TOR2A: variants seen among roughly 807,000 people sequenced by gnomAD.
TOR2A encodes torsin family 2 member A.
TOR2A carries 24 observed loss-of-function variants against 28.6 expected under a neutral mutation model. The ratio of observed to expected loss-of-function variants is 0.84; its 90% CI spans 0.61 to 1.18. The LOEUF (loss-of-function observed/expected upper bound fraction) is 1.18, where lower values mean the gene tolerates loss of function less well. TOR2A is among the 50% of genes most tolerant of loss of function. The pLI is 0.00. For missense variants in TOR2A, 426 were observed against 448.1 expected (o/e 0.95, Z 0.45); for synonymous variants, 203 against 203.1 (o/e 1.00, Z 0.00).
chr9:127,734,225 G>GT, intron 2 of TOR2A, 74 bp downstream of exon 2: 1 of 1,493,918 alleles, frequency 6.7e-7, no homozygotes, highest in Non-Finnish European at 8.9e-7. Context: ...TGACTCCCCT[G>GT]TCTGGGCTCA....
In TOR2A at chr9:127,732,005, CAG is replaced by C. The variant is rs776567868; in HGVS notation, c.*27_*28del. 1 of 1,598,606 alleles carries C rather than the reference CAG, an allele frequency of 6.3e-7. No individual in the cohort carries two copies. The highest frequency in any genetic ancestry group is 8.5e-7 in the Non-Finnish European group (1 of 1,171,514). ...GGCCTTTCCTGCATGGCCTGGCCAT[CAG>C]GGGGGCCGAGGACACCACTCAGAGA... On this transcript the variant is annotated 3_prime_UTR_variant, in exon 5 of 5. Coordinates refer to ENST00000373284, the MANE Select transcript of TOR2A (RefSeq NM_001085347.3).
rs924650759 is a variant in TOR2A, at chr9:127,734,183, T to C, written c.417+116A>G. On this transcript the variant is annotated intron_variant, in intron 2 of 4. Transcript: ENST00000373284. ...TCTGTGCAGGATGGGTCCTGAGGGC[T>C]GGGGCTGCAGCCGTGTGTGGCCTGG... The C allele has an allele frequency of 1.1e-5, 15 of 1,365,074 alleles. No individual in the cohort carries two copies. In the African/African-American group the frequency reaches 1.6e-4, roughly 15 times the overall value. 84.6% of individuals were successfully genotyped at this position (1,365,074 alleles called of 1,614,324 possible).
At chr9:127,732,803 A>G in intron 3 of TOR2A, 112 bp from the exon 4 acceptor site, 2 of 1,463,662 alleles carry the variant, frequency 1.4e-6, no homozygotes, top group Middle Eastern at 1.8e-4. Flanking sequence ...CAGTGCGGGG[A>G]GGAGCCAACT....
At chr9:127,733,185 C>T (rs1450877739) in intron 3 of TOR2A, 200 bp downstream of exon 3, 3 of 1,578,798 alleles carry the variant, frequency 1.9e-6, no homozygotes, top group Non-Finnish European at 2.6e-6. Flanking sequence ...AAGACTGAGC[C>T]CAGAATTTGC....
At chr9:127,733,226 G>A (rs372709443) in intron 3 of TOR2A, 159 bp downstream of exon 3, 56 of 1,605,616 alleles carry the variant, frequency 3.5e-5, no homozygotes, top group African/African-American at 1.5e-4. Context: ...TCAACCAGGC[G>A]GAATGACAAT....
rs768286630 is a variant in TOR2A at position 127,732,110 on chromosome 9, A to G, written c.890T>C (p.Phe297Ser). The change falls in exon 5 of 5, where the codon TTC (phenylalanine) becomes TCC (serine). Residue 297 changes from phenylalanine to serine, a missense_variant. Phe to Ser is a radical substitution (Grantham distance 155). Transcript: ENST00000373284. Reference protein sequence around the residue: ...VVQAVLDSTTFFPEDEQLFSS... With the variant: ...VVQAVLDSTTSFPEDEQLFSS... ...GAAGAGCTGCTCGTCTTCAGGGAAG[A>G]AGGTGGTGCTGTCCAGCACAGCCTG... 1.9e-6 allele frequency: 3 copies of G among 1,613,798 alleles called. No homozygotes were observed. The highest frequency in any genetic ancestry group is 2.5e-6 in the Non-Finnish European group (3 of 1,180,012).
intron 3 of TOR2A, 143 bp downstream of exon 3, chr9:127,733,242 C>A (rs1440287675): frequency 6.2e-7 from 1 of 1,611,314 alleles, no homozygotes; most frequent in South Asian, 1.1e-5. Context: ...ACAATGTCAT[C>A]TCTGAGAGTG....
At chr9:127,734,256 C>T in intron 2 of TOR2A, 43 bp downstream of exon 2, 1 of 1,526,712 alleles carries the variant, frequency 6.6e-7, no homozygotes, top group Non-Finnish European at 8.8e-7. Flanking sequence ...CCTAGGGTGG[C>T]ACCCCATGGT....
intron 1 of TOR2A, chr9:127,734,880 G>GT: frequency 1.7e-6 from 1 of 593,002 alleles, no homozygotes; most frequent in Non-Finnish European, 2.6e-6. Flanking sequence ...GCCATTCCGG[G>GT]GAGGCCCAAG....
Position 127,731,586 on chromosome 9 carries a change from C to T in TOR2A, c.*448G>A, listed in dbSNP as rs1056492807. 7 of 1,365,550 alleles carry T rather than the reference C, an allele frequency of 5.1e-6. No homozygotes were observed. The African/African-American group carries it at 1.0e-4, about 20-fold the overall frequency. The allele number at this position is 1,365,550 out of a possible 1,614,324, so 84.6% of individuals were successfully genotyped here. A position where few individuals can be genotyped will look rare whatever the true frequency, so the allele number is the denominator to read the frequency against. The stretch of plus-strand genomic sequence containing the variant: ...TTTACAAAATTAAAAACATCTAAAA[C>T]CAGGCCCAAGTGGCAGCTTGAGTCC... On this transcript the variant is annotated 3_prime_UTR_variant, in exon 5 of 5. Transcript: ENST00000373284.
At chr9:127,733,340 G>C (rs1216086168) in intron 3 of TOR2A, 45 bp downstream of exon 3, 2 of 1,613,544 alleles carry the variant, frequency 1.2e-6, no homozygotes, top group Admixed American at 1.7e-5. Flanking sequence ...CTGAACCTCT[G>C]AGAAGTGGCC....
rs754916763 is a variant in TOR2A at position 127,735,214 on chromosome 9, C to A, written c.57G>T (p.Gly19=). ...AGGCGGCGGCCGCGGCCGAGACCAGCCCGAGCAGCCCGAGGAGCGAGCCCC... is the reference window on the plus strand; with the variant it reads ...AGGCGGCGGCCGCGGCCGAGACCAGACCGAGCAGCCCGAGGAGCGAGCCCC... ...RPWGSLLGLL[G]LVSAAAAAWD... is the part of the protein sequence containing the mutation. The change falls in exon 1 of 5, where the codon GGG becomes GGT. Residue 19 remains glycine, a synonymous_variant. Coordinates refer to ENST00000373284, the MANE Select transcript of TOR2A (RefSeq NM_001085347.3). 6.8e-7 allele frequency: 1 copy of A among 1,476,068 alleles called. No homozygotes were observed. The allele number at this position is 1,476,068 out of a possible 1,614,324, so 91.4% of individuals were successfully genotyped here.
Position 127,733,220 on chromosome 9 carries a change from C to T in TOR2A, c.593+165G>A, listed in dbSNP as rs7862011. ...CTGAGAATGTCCAAAGGGAAATCAA[C>T]CAGGCGGAATGACAATGTCATCTCT... On this transcript the variant is annotated intron_variant, in intron 3 of 4. Coordinates refer to ENST00000373284, the MANE Select transcript of TOR2A (RefSeq NM_001085347.3). 1.5e-3 allele frequency: 2,437 copies of T among 1,601,636 alleles called. 36 individuals are homozygous for T. The African/African-American group carries it at 0.03, about 20-fold the overall frequency.
Position 127,735,190 on chromosome 9 carries a change from G to C in TOR2A, c.81C>G (p.Ala27=). The C allele has an allele frequency of 1.3e-6, 2 of 1,481,914 alleles. No individual in the cohort carries two copies. The highest frequency in any genetic ancestry group is 1.8e-6 in the Non-Finnish European group (2 of 1,124,616). 91.8% of individuals were successfully genotyped at this position (1,481,914 alleles called of 1,614,324 possible). ...LLGLVSAAAA[A]WDLASLRCTL... is the part of the protein sequence containing the mutation. ...TGCAGCGCAGGGAAGCCAGGTCCCA[G>C]GCGGCGGCCGCGGCCGAGACCAGCC... The change falls in exon 1 of 5, where the codon GCC becomes GCG. Residue 27 remains alanine, a synonymous_variant. Coordinates refer to ENST00000373284, the MANE Select transcript of TOR2A (RefSeq NM_001085347.3).
rs759541982 is a variant in TOR2A at position 127,732,151 on chromosome 9, T to C, written c.849A>G (p.Pro283=). ...LNELAQLGLE[P]RDEVVQAVLD... The stretch of plus-strand genomic sequence containing the variant: ...GCACAGCCTGGACAACCTCATCCCT[T>C]GGCTCCAGGCCCAGCTGGGCCAGCT... Residue 283 remains proline, a synonymous_variant, in exon 5 of 5, where the codon CCA becomes CCG. Coordinates refer to ENST00000373284, the MANE Select transcript of TOR2A (RefSeq NM_001085347.3). The C allele has an allele frequency of 2.5e-6, 4 of 1,613,572 alleles. No individual in the cohort carries two copies. The East Asian group carries it at 6.7e-5, about 27-fold the overall frequency.
chr9:127,733,408 G>C lies in TOR2A; in HGVS notation c.570C>G (p.Arg190=), dbSNP rs754071272. Reference sequence around the variant, plus strand: ...ACCTGATGAAGATGAAGATGGCTTTGCGGTAATTGGTCCCGTATACCACCC... The same window carrying C: ...ACCTGATGAAGATGAAGATGGCTTTCCGGTAATTGGTCCCGTATACCACCC... ...SSWVVYGTNY[R]KAIFIFISNT... The change falls in exon 3 of 5, where the codon CGC becomes CGG. Residue 190 remains arginine, a synonymous_variant. Transcript: ENST00000373284. 11 of 1,613,878 alleles carry C rather than the reference G, an allele frequency of 6.8e-6. 1 individual carries two copies. In the South Asian group the frequency reaches 1.1e-4, roughly 16 times the overall value.
Position 127,734,496 on chromosome 9 carries a change from G to A in TOR2A, c.220C>T (p.Leu74=), listed in dbSNP as rs777011277. 5.7e-6 allele frequency: 9 copies of A among 1,577,908 alleles called. No homozygotes were observed. The highest frequency in any genetic ancestry group is 5.4e-5 in the African/African-American group (4 of 73,616). The part of the protein sequence containing the change: ...HLAKALVVKA[L]KAFVRDPAPT... Reference sequence around the variant, plus strand: ...GCTGGGTCCCGCACAAAGGCCTTCAGCGCCTTCACCACCAGCGCCTTGGCC... The same window carrying A: ...GCTGGGTCCCGCACAAAGGCCTTCAACGCCTTCACCACCAGCGCCTTGGCC... Residue 74 remains leucine, a synonymous_variant, in exon 2 of 5, where the codon CTG becomes TTG. Transcript: ENST00000373284.
intron 3 of TOR2A, 38 bp downstream of exon 3, chr9:127,733,347 G>C (rs1844545316): frequency 6.2e-7 from 1 of 1,613,454 alleles, no homozygotes; most frequent in Non-Finnish European, 8.5e-7. Context: ...TCTGAGAAGT[G>C]GCCCCCCCAC....
intron 1 of TOR2A, 65 bp downstream of exon 1, chr9:127,735,055 C>G: frequency 7.3e-7 from 1 of 1,371,840 alleles, no homozygotes; most frequent in Non-Finnish European, 9.4e-7. Flanking sequence ...GCTCCCAGGG[C>G]TCCCAGCGCT....
Sources: allele counts gnomAD v4.1 joint callset, GRCh38; gene constraint gnomAD v4.1.1; transcripts MANE v1.5; gene names NCBI Gene and HGNC (gene_info 2026-07-23, HGNC 2026-07-21).